FAF1: variants seen among roughly 807,000 people sequenced by gnomAD.
FAF1 encodes the protein Fas associated factor 1.
In FAF1, 25 loss-of-function variants were observed where a neutral mutation model predicts 92.5. The observed-to-expected ratio is 0.27, with a 90% CI of 0.20 to 0.38. FAF1 has a LOEUF of 0.38. Ranked by LOEUF, FAF1 falls within the 10% of genes least tolerant of loss-of-function variation. The probability of loss-of-function intolerance (pLI) is 1.00; values close to 1 mark genes in which losing one functional copy is unlikely to be tolerated. For missense variants in FAF1, 636 were observed against 793.3 expected, an observed-to-expected ratio of 0.80 and a Z score of 2.38; for synonymous variants, 234 against 273.2, an observed-to-expected ratio of 0.86 and a Z score of 1.42.
intron 6 of FAF1, among the ~76,000 whole-genome samples, chr1:50,706,311 A>T (rs1393359178): frequency 6.6e-6 from 1 of 152,192 alleles, no homozygotes; most frequent in Non-Finnish European, 1.5e-5. Context: ...ACTATTATTT[A>T]TATTCATGAA....
At chr1:50,717,300 T>C (rs181437878) in intron 6 of FAF1, among the ~76,000 whole-genome samples, 1 of 152,206 alleles carries the variant, frequency 6.6e-6, no homozygotes, top group East Asian at 1.9e-4. Context: ...TTAGGTGAGG[T>C]CATGAGAGTG....
chr1:50,472,684 A>C (rs1327482649), intron 18 of FAF1, among the ~76,000 whole-genome samples: 1 of 152,178 alleles, frequency 6.6e-6, no homozygotes, highest in Non-Finnish European at 1.5e-5. Flanking sequence ...TTGTGGAGAA[A>C]AGGCTGAAGA....
intron 8 of FAF1, 43 bp downstream of exon 8, chr1:50,655,399 A>G (rs983939318): frequency 4.7e-6 from 6 of 1,267,446 alleles, no homozygotes; most frequent in Non-Finnish European, 6.9e-6. Flanking sequence ...AAGTGGCAAA[A>G]GAGAAAGGAG....
intron 15 of FAF1, among the ~76,000 whole-genome samples, chr1:50,510,184 A>AG: frequency 6.6e-6 from 1 of 151,024 alleles, no homozygotes; most frequent in African/African-American, 2.4e-5. Context: ...AAAAAAAAAA[A>AG]TTTAAATTTA....
chr1:50,856,030 C>T (rs1027486916), intron 2 of FAF1, among the ~76,000 whole-genome samples: 1 of 151,840 alleles, frequency 6.6e-6, no homozygotes, highest in African/African-American at 2.4e-5. Context: ...CAATATTCTG[C>T]ATAGGCTGTA....
intron 13 of FAF1, among the ~76,000 whole-genome samples, chr1:50,554,461 T>A (rs1649473389): frequency 6.6e-6 from 1 of 150,554 alleles, no homozygotes; most frequent in Admixed American, 6.6e-5. Context: ...TATAATTAAT[T>A]AAGTAGGTAC....
rs1647840686 is a variant in FAF1, at chr1:50,526,900, G to C, written c.1494+8469C>G. On this transcript the variant is annotated intron_variant, in intron 15 of 18. Transcript: ENST00000396153. ...AGACAGAGACTTGCTCTGTTGCCCA[G>C]CTGGAGTGTAGTGGCGTGATCTCGG... 2.0e-5 allele frequency among the ~76,000 whole-genome samples: 3 copies of C among 151,008 alleles called. No homozygotes were observed. In the South Asian group the frequency reaches 6.3e-4, roughly 32 times the overall value.
chr1:50,768,232 CA>C (rs1271084735), intron 4 of FAF1, among the ~76,000 whole-genome samples: 2 of 152,100 alleles, frequency 1.3e-5, no homozygotes, highest in Non-Finnish European at 2.9e-5. Flanking sequence ...GGGTTCAATT[CA>C]ACAAGAAGAC....
chr1:50,756,959 T>C (rs1344754508), intron 4 of FAF1, among the ~76,000 whole-genome samples: 6 of 152,196 alleles, frequency 3.9e-5, no homozygotes, highest in Admixed American at 3.9e-4. Context: ...TATCATCATG[T>C]TTTCATCACA....
chr1:50,882,343 C>G (rs1644618688), intron 1 of FAF1, among the ~76,000 whole-genome samples: 1 of 152,104 alleles, frequency 6.6e-6, no homozygotes, highest in East Asian at 1.9e-4. Flanking sequence ...CCTGTAATCC[C>G]AGCACTTTGG....
Position 50,441,017 on chromosome 1 carries a change from T to C in FAF1, c.*423A>G, listed in dbSNP as rs1646161060. On this transcript the variant is annotated 3_prime_UTR_variant, in exon 19 of 19. Coordinates refer to ENST00000396153, the MANE Select transcript of FAF1 (RefSeq NM_007051.3). ...TGCCCCTTAAAATTAGGTGATGAAG[T>C]AGAAATTCAGTCATGAAAATAAAAA... The C allele has an allele frequency of 6.4e-6, 1 of 155,082 alleles. No homozygotes were observed. The highest frequency in any genetic ancestry group is 2.4e-5 in the African/African-American group (1 of 41,580). The allele number at this position is 155,082 out of a possible 1,614,324, so 9.6% of individuals were successfully genotyped here.
At chr1:50,619,002 C>T (rs1653066297) in intron 8 of FAF1, among the ~76,000 whole-genome samples, 1 of 152,118 alleles carries the variant, frequency 6.6e-6, no homozygotes, top group Admixed American at 6.5e-5. Context: ...TGTAATTCAC[C>T]AGCCTTGGAC....
chr1:50,513,052 A>G (rs1647157518), intron 15 of FAF1, among the ~76,000 whole-genome samples: 1 of 152,176 alleles, frequency 6.6e-6, no homozygotes, highest in African/African-American at 2.4e-5. Context: ...TTTGCTCTAC[A>G]TTAGGGTAGT....
chr1:50,806,331 C>G (rs1313178479), intron 2 of FAF1, among the ~76,000 whole-genome samples: 1 of 152,112 alleles, frequency 6.6e-6, no homozygotes, highest in Non-Finnish European at 1.5e-5. Context: ...ACCACACACC[C>G]AATGGTTAAA....
rs1260723465 is a variant in FAF1 at position 50,437,511 on chromosome 1, A to G, written c.*3929T>C. On this transcript the variant is annotated 3_prime_UTR_variant, in exon 19 of 19. Transcript: ENST00000396153. The stretch of plus-strand genomic sequence containing the variant: ...GTGATCACTTTGCCTCAGCCTCAAC[A>G]GTAGCTGGGACTACAGGCAAGTACC... The G allele has an allele frequency of 6.6e-6, 1 of 151,998 alleles. No homozygotes were observed. The highest frequency in any genetic ancestry group is 1.5e-5 in the Non-Finnish European group (1 of 68,014). The allele number at this position is 151,998 out of a possible 1,614,324, so 9.4% of individuals were successfully genotyped here.
intron 13 of FAF1, among the ~76,000 whole-genome samples, chr1:50,561,267 G>A (rs946806427): frequency 2.0e-5 from 3 of 152,176 alleles, no homozygotes; most frequent in Non-Finnish European, 2.9e-5. Context: ...TGAGGCATAT[G>A]AGCGTACACC....
At chr1:50,667,221 T>C (rs545120334) in intron 7 of FAF1, among the ~76,000 whole-genome samples, 14 of 152,342 alleles carry the variant, frequency 9.2e-5, no homozygotes, top group African/African-American at 2.4e-4. Flanking sequence ...AACTTTATCA[T>C]GAGAGTTACC....
intron 4 of FAF1, chr1:50,780,777 AC>A (rs1265863672): frequency 2.0e-5 from 7 of 343,248 alleles, no homozygotes; most frequent in Non-Finnish European, 2.3e-5. Flanking sequence ...GCTGGTCTCC[AC>A]ACAGGTGAGT....
chr1:50,796,244 G>C (rs543471001), intron 3 of FAF1, among the ~76,000 whole-genome samples: 12 of 152,052 alleles, frequency 7.9e-5, no homozygotes, highest in Non-Finnish European at 4.4e-5. Flanking sequence ...TCTTCTTGCA[G>C]TTTGCACACT....
Sources: gnomAD v4.1 joint callset for allele counts (sites outside exome capture counted in the v4.1 genomes callset) on GRCh38, gnomAD v4.1.1 for gene constraint, MANE v1.5 for transcripts, NCBI Gene and HGNC (gene_info 2026-07-23, HGNC 2026-07-21) for gene names.